Variants in CCDC7 observed in about 807,000 individuals in gnomAD.
CCDC7 encodes coiled-coil domain containing 7.
In CCDC7, 183 loss-of-function variants were observed where a neutral mutation model predicts 196.9. That is an observed-to-expected ratio of 0.93 (90% confidence interval 0.82 to 1.05). The LOEUF (loss-of-function observed/expected upper bound fraction) is 1.05, where lower values mean the gene tolerates loss of function less well. CCDC7 is among the 50% of genes least tolerant of loss of function. The pLI, the probability that CCDC7 is intolerant of heterozygous loss-of-function variation, is 0.00. For missense variants in CCDC7, 1,540 were observed against 1,482.2 expected (o/e 1.04, Z -0.64); for synonymous variants, 525 against 484.6 (o/e 1.08, Z -1.10).
Position 32,778,919 on chromosome 10 carries a change from G to T in CCDC7, c.2906-58G>T, listed in dbSNP as rs2080570631. On this transcript the variant is annotated intron_variant, in intron 28 of 41. Transcript: ENST00000639629. The stretch of plus-strand genomic sequence containing the variant: ...TTCTTGGTTACATGCATTGCTAGGT[G>T]TTTCACAAAATGTTAGTTTTTTAAA... The T allele has an allele frequency of 5.3e-6, 7 of 1,310,224 alleles. No homozygotes were observed. In the Admixed American group the frequency reaches 1.0e-4, roughly 19 times the overall value. The allele number at this position is 1,310,224 out of a possible 1,614,324, so 81.2% of individuals were successfully genotyped here.
chr10:32,655,677 C>A (rs530399094), intron 20 of CCDC7, among the ~76,000 whole-genome samples: 2 of 151,968 alleles, frequency 1.3e-5, no homozygotes, highest in African/African-American at 4.8e-5. Flanking sequence ...CTTGGGATGC[C>A]ACCCAAGTAG....
chr10:32,878,182 G>A (rs752740288), downstream of CCDC7, among the ~76,000 whole-genome samples: 1 of 152,012 alleles, frequency 6.6e-6, no homozygotes, highest in African/African-American at 2.4e-5. Flanking sequence ...CTCTTTATAT[G>A]TGGGTAGTGT....
chr10:32,443,682 T>C (rs2030463252), upstream of CCDC7, among the ~76,000 whole-genome samples: 1 of 152,224 alleles, frequency 6.6e-6, no homozygotes, highest in African/African-American at 2.4e-5. Context: ...CTTCGTGTAA[T>C]ATACTATTTT....
chr10:32,610,370 C>T (rs889737455), intron 18 of CCDC7, among the ~76,000 whole-genome samples: 3 of 152,204 alleles, frequency 2.0e-5, no homozygotes, highest in African/African-American at 7.2e-5. Context: ...TCCCAAAGTG[C>T]TGGGATTACA....
intron 18 of CCDC7, among the ~76,000 whole-genome samples, chr10:32,633,696 A>ATGTG (rs1554928040): frequency 2.2e-5 from 3 of 135,230 alleles, no homozygotes; most frequent in East Asian, 2.2e-4. Flanking sequence ...ATATATATAT[A>ATGTG]TGTGTGTGTG....
chr10:32,652,739 T>C (rs78892145), intron 20 of CCDC7, among the ~76,000 whole-genome samples: 7,137 of 152,156 alleles, frequency 0.047, 216 homozygotes, highest in Middle Eastern at 0.071. Context: ...TCTCAATTTC[T>C]ATATTTTTGT....
chr10:32,476,350 CCT>C (rs2038968980), intron 8 of CCDC7, among the ~76,000 whole-genome samples: 1 of 44,094 alleles, frequency 2.3e-5, no homozygotes, highest in Admixed American at 2.8e-4. Context: ...AGTTAAAGTT[CCT>C]CTGTGTTTCA....
intron 18 of CCDC7, among the ~76,000 whole-genome samples, chr10:32,616,530 T>A (rs1303838456): frequency 6.6e-6 from 1 of 151,628 alleles, no homozygotes; most frequent in Non-Finnish European, 1.5e-5. Flanking sequence ...CTTTTCCGAA[T>A]TGATTTATCA....
intron 20 of CCDC7, among the ~76,000 whole-genome samples, chr10:32,649,650 A>G (rs1430068807): frequency 6.6e-6 from 1 of 152,244 alleles, no homozygotes; most frequent in Non-Finnish European, 1.5e-5. Context: ...AGGAATGCCA[A>G]TGAATTGTTA....
At chr10:32,456,384 G>A (rs1339638172) in intron 3 of CCDC7, 50 bp downstream of exon 4, 3 of 1,387,454 alleles carry the variant, frequency 2.2e-6, no homozygotes, top group Non-Finnish European at 2.9e-6. Context: ...ACTTGTACTG[G>A]TTGTTGAAAA....
intron 21 of CCDC7, among the ~76,000 whole-genome samples, chr10:32,664,922 T>C (rs2072315805): frequency 6.6e-6 from 1 of 152,068 alleles, no homozygotes; most frequent in Admixed American, 6.6e-5. Context: ...CTAATTTACA[T>C]TCCCACCAAC....
At chr10:32,474,124 T>G in intron 8 of CCDC7, 101 bp downstream of exon 9, 1 of 1,150,814 alleles carries the variant, frequency 8.7e-7, no homozygotes, top group Admixed American at 3.0e-5. Flanking sequence ...ACTCCTTGCC[T>G]TGGAGTTTGG....
intron 28 of CCDC7, among the ~76,000 whole-genome samples, chr10:32,746,895 A>G (rs1236173262): frequency 1.3e-5 from 2 of 152,178 alleles, no homozygotes; most frequent in African/African-American, 4.8e-5. Flanking sequence ...CCATAGCACC[A>G]CTGCTGGCAT....
chr10:32,799,937 G>A (rs10159497), intron 29 of CCDC7, among the ~76,000 whole-genome samples: 16,005 of 152,266 alleles, frequency 0.11, 1,039 homozygotes, highest in South Asian at 0.25. Context: ...CTTGCCCACT[G>A]AAGGCAAATT....
chr10:32,630,523 A>G (rs1401614506), intron 18 of CCDC7, among the ~76,000 whole-genome samples: 2 of 152,058 alleles, frequency 1.3e-5, no homozygotes. Context: ...AGATAGATAA[A>G]GCAAATATTA....
At chr10:32,576,266 T>C (rs1306284569) in intron 16 of CCDC7, among the ~76,000 whole-genome samples, 1 of 150,114 alleles carries the variant, frequency 6.7e-6, no homozygotes, top group Non-Finnish European at 1.5e-5. Flanking sequence ...CAATATGTTG[T>C]GTGTTCCCAT....
chr10:32,867,418 A>AT (rs1297167970), intron 41 of CCDC7, among the ~76,000 whole-genome samples: 3 of 151,494 alleles, frequency 2.0e-5, no homozygotes, highest in African/African-American at 7.2e-5. Flanking sequence ...TAACACATAC[A>AT]TCTACATATG....
chr10:32,825,267 G>C (rs2090940454), intron 32 of CCDC7, among the ~76,000 whole-genome samples: 1 of 152,216 alleles, frequency 6.6e-6, no homozygotes, highest in African/African-American at 2.4e-5. Context: ...AGGATTCGAA[G>C]TATTGATCCT....
chr10:32,773,736 T>G (rs1238155076), intron 28 of CCDC7, among the ~76,000 whole-genome samples: 1 of 152,048 alleles, frequency 6.6e-6, no homozygotes, highest in Non-Finnish European at 1.5e-5. Flanking sequence ...TTTTCCTGAG[T>G]TTTTACAAGT....
Sources: allele counts gnomAD v4.1 joint callset (sites outside exome capture counted in the v4.1 genomes callset), GRCh38; gene constraint gnomAD v4.1.1; transcripts MANE v1.5; gene names NCBI Gene and HGNC (gene_info 2026-07-23, HGNC 2026-07-21).